Variants in DNAH6 observed in about 807,000 individuals in gnomAD.
DNAH6 encodes axonemal beta dynein heavy chain 6.
In DNAH6, 340 loss-of-function variants were observed where a neutral mutation model predicts 491.4. The ratio of observed to expected loss-of-function variants is 0.69; its 90% CI spans 0.63 to 0.76. The LOEUF (loss-of-function observed/expected upper bound fraction) is 0.76, where lower values mean the gene tolerates loss of function less well. DNAH6 is among the 30% of genes least tolerant of loss of function. The pLI, the probability that DNAH6 is intolerant of heterozygous loss-of-function variation, is 0.00. For missense variants in DNAH6, 4,443 were observed against 4,972.2 expected (o/e 0.89, Z 3.20); for synonymous variants, 1,603 against 1,686.1 (o/e 0.95, Z 1.21).
In DNAH6 at chr2:84,715,563, T is replaced by C; in HGVS notation, c.9547T>C (p.Cys3183Arg). The change falls in exon 58 of 77, where the codon TGC becomes CGC. Residue 3183 changes from cysteine to arginine, a missense_variant. Transcript: ENST00000389394. Reference protein sequence around the residue: ...MPNPHYLPEVCIKVTIINFTV... With the variant: ...MPNPHYLPEVRIKVTIINFTV... The stretch of plus-strand genomic sequence containing the variant: ...GCACTCTGTGCTTCTCTTCCAGGTA[T>C]GCATTAAAGTTACCATTATCAATTT... 6.4e-7 allele frequency: 1 copy of C among 1,551,390 alleles called. No individual in the cohort carries two copies. Among genetic ancestry groups the C allele is most frequent in the Non-Finnish European group, 8.7e-7 (1 of 1,146,830 alleles).
At chr2:84,689,436 C>G (rs1221138382) in intron 45 of DNAH6, among the ~76,000 whole-genome samples, 1 of 152,156 alleles carries the variant, frequency 6.6e-6, no homozygotes, top group Admixed American at 6.5e-5. Context: ...TGTAATCAGA[C>G]CGCCGCTGGA....
intron 48 of DNAH6, among the ~76,000 whole-genome samples, chr2:84,700,578 A>C (rs972433028): frequency 1.1e-4 from 16 of 152,248 alleles, no homozygotes; most frequent in Admixed American, 1.0e-3. Context: ...GCTAATTATC[A>C]AAAATTTAAA....
intron 61 of DNAH6, among the ~76,000 whole-genome samples, chr2:84,730,403 G>T (rs1356085157): frequency 2.0e-5 from 3 of 152,102 alleles, no homozygotes; most frequent in Non-Finnish European, 4.4e-5. Flanking sequence ...ATTCTCATTG[G>T]GTATATTCAG....
At chr2:84,519,599 C>T (rs1225048256) in intron 2 of DNAH6, among the ~76,000 whole-genome samples, 1 of 151,318 alleles carries the variant, frequency 6.6e-6, no homozygotes, top group African/African-American at 2.4e-5. Context: ...CTTTCCCTTC[C>T]CCTTCTTCTT....
At chr2:84,604,138 G>T (rs1448360212) in intron 18 of DNAH6, among the ~76,000 whole-genome samples, 1 of 152,166 alleles carries the variant, frequency 6.6e-6, no homozygotes, top group Non-Finnish European at 1.5e-5. Context: ...CAAATTTGGA[G>T]TTTGTTCTGC....
In DNAH6 at chr2:84,637,360, T is replaced by C; in HGVS notation, c.4804T>C (p.Tyr1602His). 6.5e-7 allele frequency: 1 copy of C among 1,547,064 alleles called. No homozygotes were observed. Among genetic ancestry groups the C allele is most frequent in the Non-Finnish European group, 8.7e-7 (1 of 1,144,246 alleles). Residue 1602 changes from tyrosine (Y) to histidine (H), a missense_variant, in exon 31 of 77, where the codon TAT becomes CAT. Physicochemically the swap from Tyr to His is moderately conservative, Grantham distance 83. Coordinates refer to ENST00000389394, the MANE Select transcript of DNAH6 (RefSeq NM_001370.2). ...FRPFAMMVPN[Y>H]ALIAEVILYS... ...ACCATTTGCGATGATGGTTCCAAAT[T>C]ATGCCTTGATTGCAGAGGTGAGCAT...
chr2:84,717,620 G>C (rs932623102), intron 58 of DNAH6, among the ~76,000 whole-genome samples: 1 of 152,106 alleles, frequency 6.6e-6, no homozygotes, highest in Non-Finnish European at 1.5e-5. Flanking sequence ...CTCTTAGCAG[G>C]GTGCATTGCA....
At chr2:84,773,980 T>A (rs181343821) in intron 64 of DNAH6, among the ~76,000 whole-genome samples, 23 of 151,906 alleles carry the variant, frequency 1.5e-4, no homozygotes, top group Admixed American at 1.5e-3. Context: ...AAAATTAGAC[T>A]TTTTCAGATA....
intron 70 of DNAH6, among the ~76,000 whole-genome samples, chr2:84,801,298 G>A (rs1678889573): frequency 6.7e-6 from 1 of 150,190 alleles, no homozygotes; most frequent in Non-Finnish European, 1.5e-5. Context: ...GTAAGCAACT[G>A]GAAAACATAT....
chr2:84,743,535 T>G (rs1290157667), intron 62 of DNAH6, among the ~76,000 whole-genome samples: 2 of 152,142 alleles, frequency 1.3e-5, no homozygotes, highest in African/African-American at 4.8e-5. Context: ...AAATATACAT[T>G]ATTAAGCTAG....
rs1298246411 is a variant in DNAH6, at chr2:84,621,410, C to T, written c.3958-28C>T. 3 of 1,541,304 alleles carry T rather than the reference C, an allele frequency of 1.9e-6. No individual in the cohort carries two copies. In the African/African-American group the frequency reaches 4.1e-5, roughly 21 times the overall value. Reference sequence around the variant, plus strand: ...AATTCTTATTTGGTGATATGCATCACATATTTAAGAAACATGTTTTCTTGC... The same window carrying T: ...AATTCTTATTTGGTGATATGCATCATATATTTAAGAAACATGTTTTCTTGC... On this transcript the variant is annotated intron_variant, in intron 25 of 76. Coordinates refer to ENST00000389394, the MANE Select transcript of DNAH6 (RefSeq NM_001370.2).
intron 64 of DNAH6, chr2:84,778,085 T>G (rs774100758): frequency 1.2e-6 from 1 of 865,304 alleles, no homozygotes; most frequent in Non-Finnish European, 2.0e-6. Context: ...CAGTTTATCT[T>G]CCAGTTAAAC....
chr2:84,555,593 A>G (rs1679941966), intron 10 of DNAH6, among the ~76,000 whole-genome samples: 1 of 152,052 alleles, frequency 6.6e-6, no homozygotes, highest in Non-Finnish European at 1.5e-5. Context: ...ATCTCTACCT[A>G]TATCTATATG....
At chr2:84,677,303 T>A (rs747319829) in intron 41 of DNAH6, among the ~76,000 whole-genome samples, 167 bp downstream of exon 41, 8 of 152,206 alleles carry the variant, frequency 5.3e-5, no homozygotes, top group South Asian at 2.1e-4. Context: ...CTGGCAGGCA[T>A]TTGCATCACT....
intron 58 of DNAH6, among the ~76,000 whole-genome samples, chr2:84,716,565 G>A (rs1697554397): frequency 6.6e-6 from 1 of 152,114 alleles, no homozygotes; most frequent in African/African-American, 2.4e-5. Flanking sequence ...TCTGCCAGCT[G>A]CTAACTTGCT....
At chr2:84,496,303 T>C in the DNAH6 span, among the ~76,000 whole-genome samples, 3 of 152,200 alleles carry the variant, frequency 2.0e-5, no homozygotes, top group South Asian at 4.1e-4. Context: ...TAGGATATGG[T>C]CTTTATTTTT....
intron 29 of DNAH6, among the ~76,000 whole-genome samples, chr2:84,628,861 T>C (rs1176443050): frequency 6.6e-6 from 1 of 152,198 alleles, no homozygotes; most frequent in Non-Finnish European, 1.5e-5. Flanking sequence ...AAATAATGAA[T>C]ATCTACTTAG....
the DNAH6 span, among the ~76,000 whole-genome samples, chr2:84,472,920 G>T: frequency 6.6e-6 from 1 of 152,180 alleles, no homozygotes; most frequent in African/African-American, 2.4e-5. Flanking sequence ...TGTGTGGCTT[G>T]CACTACATAG....
the DNAH6 span, among the ~76,000 whole-genome samples, chr2:84,505,822 C>T: frequency 6.6e-6 from 1 of 151,998 alleles, no homozygotes; most frequent in Non-Finnish European, 1.5e-5. Context: ...GTTTTTTTGT[C>T]CTTGCAATAG....
Sources: gnomAD v4.1 joint callset for allele counts (sites outside exome capture counted in the v4.1 genomes callset) on GRCh38, gnomAD v4.1.1 for gene constraint, MANE v1.5 for transcripts, NCBI Gene and HGNC (gene_info 2026-07-23, HGNC 2026-07-21) for gene names.